Variants in WDFY1 observed in about 807,000 individuals in gnomAD.
The protein encoded by WDFY1 is WD repeat and FYVE domain containing 1.
Under a neutral mutation model 56.4 loss-of-function variants are expected in WDFY1, and 32 were observed. That is an observed-to-expected ratio of 0.57 (90% CI 0.43 to 0.76). WDFY1 has a LOEUF of 0.76. WDFY1 is among the 30% of genes least tolerant of loss of function. WDFY1 has a pLI of 0.00. For missense variants in WDFY1, 480 were observed against 545.7 expected (o/e 0.88, Z 1.20); for synonymous variants, 192 against 197.3 (o/e 0.97, Z 0.23).
intron 3 of WDFY1, among the ~76,000 whole-genome samples, chr2:223,906,954 C>T (rs573549972): frequency 1.1e-3 from 168 of 148,628 alleles, no homozygotes; most frequent in Middle Eastern, 7.0e-3. Context: ...ATTACTACTA[C>T]CATTATTATT....
intron 1 of WDFY1, among the ~76,000 whole-genome samples, chr2:223,926,117 A>G (rs1693974176): frequency 6.6e-6 from 1 of 152,198 alleles, no homozygotes; most frequent in African/African-American, 2.4e-5. Context: ...CAGATCTATC[A>G]GAGGCACTAT....
chr2:223,906,431 G>C (rs1434414274), intron 3 of WDFY1, among the ~76,000 whole-genome samples: 1 of 152,148 alleles, frequency 6.6e-6, no homozygotes, highest in Non-Finnish European at 1.5e-5. Flanking sequence ...GCAATTTAGT[G>C]GGGGAAAGTA....
intron 2 of WDFY1, 27 bp downstream of exon 2, chr2:223,917,916 C>T: frequency 6.2e-7 from 1 of 1,611,320 alleles, no homozygotes; most frequent in Non-Finnish European, 8.5e-7. Context: ...AGACATTTCT[C>T]TCAAATGGAA....
intron 1 of WDFY1, among the ~76,000 whole-genome samples, chr2:223,941,749 C>T (rs1689309037): frequency 6.6e-6 from 1 of 152,172 alleles, no homozygotes; most frequent in African/African-American, 2.4e-5. Flanking sequence ...CTTTTGACCC[C>T]TGTTGTGTCC....
intron 3 of WDFY1, among the ~76,000 whole-genome samples, chr2:223,907,826 G>C (rs560368466): frequency 6.6e-6 from 1 of 150,924 alleles, no homozygotes; most frequent in South Asian, 2.1e-4. Flanking sequence ...CTTTCTTCTC[G>C]GCCCTTACAT....
At chr2:223,917,661 A>G (rs372233161) in intron 2 of WDFY1, among the ~76,000 whole-genome samples, 1 of 151,904 alleles carries the variant, frequency 6.6e-6, no homozygotes, top group Non-Finnish European at 1.5e-5. Flanking sequence ...GCAACCTCCA[A>G]CTCCAGATTT....
intron 4 of WDFY1, among the ~76,000 whole-genome samples, chr2:223,903,493 A>C (rs1353509157): frequency 6.6e-6 from 1 of 150,582 alleles, no homozygotes; most frequent in Non-Finnish European, 1.5e-5. Context: ...ACTGCACTCC[A>C]GTGTGGGCAA....
At chr2:223,900,692 G>T (rs1316385629) in intron 5 of WDFY1, among the ~76,000 whole-genome samples, 2 of 152,098 alleles carry the variant, frequency 1.3e-5, no homozygotes, top group Non-Finnish European at 2.9e-5. Flanking sequence ...GCCCATTTAG[G>T]AACAAACCCC....
intron 5 of WDFY1, chr2:223,900,969 G>A (rs11693118): frequency 2.2e-5 from 11 of 498,088 alleles, no homozygotes; most frequent in Admixed American, 3.9e-5. Flanking sequence ...GGAAGTTCTC[G>A]GATTTTCAGT....
In WDFY1 at chr2:223,880,112, T is replaced by C. The variant is rs1296847249; in HGVS notation, c.1173+12A>G. 10 of 1,607,898 alleles carry C rather than the reference T, an allele frequency of 6.2e-6. No individual in the cohort carries two copies. The highest frequency in any genetic ancestry group is 1.1e-5 in the South Asian group (1 of 90,906). On this transcript the variant is annotated intron_variant, in intron 11 of 11. Coordinates refer to ENST00000233055, the MANE Select transcript of WDFY1 (RefSeq NM_020830.5). Reference sequence around the variant, plus strand: ...CTCAACTGAGATGCTGACAGACAATTAGCCAGCTTACCTTTACAATGCGGT... The same window carrying C: ...CTCAACTGAGATGCTGACAGACAATCAGCCAGCTTACCTTTACAATGCGGT...
rs141844255 is a variant in WDFY1 at position 223,878,715 on chromosome 2, G to C, written c.1189C>G (p.Pro397Ala). 122 of 1,613,694 alleles carry C rather than the reference G, an allele frequency of 7.6e-5. No homozygotes were observed. The African/African-American group carries it at 1.1e-3, about 15-fold the overall frequency. The change falls in exon 12 of 12, where the codon CCT becomes GCT. Residue 397 changes from proline (P) to alanine (A), a missense_variant. Transcript: ENST00000233055. ...DRIVKIWDMT[P>A]VVGCSLATGF... Reference sequence around the variant, plus strand: ...GTCGCCAGACTGCAGCCCACCACAGGTGTCATGTCCCAGATCTACAAGGAA... The same window carrying C: ...GTCGCCAGACTGCAGCCCACCACAGCTGTCATGTCCCAGATCTACAAGGAA...
At chr2:223,886,471 TC>T (rs1693175985) in intron 8 of WDFY1, among the ~76,000 whole-genome samples, 1 of 152,160 alleles carries the variant, frequency 6.6e-6, no homozygotes, top group Non-Finnish European at 1.5e-5. Context: ...ACACCTGTAA[TC>T]CCAGCACTTT....
intron 8 of WDFY1, among the ~76,000 whole-genome samples, chr2:223,891,382 C>CAAAAAAAAA (rs61587389): frequency 1.7e-5 from 1 of 60,112 alleles, no homozygotes; most frequent in Non-Finnish European, 2.9e-5. Flanking sequence ...GACTCCGTCT[C>CAAAAAAAAA]AAAAAAAAAA....
intron 2 of WDFY1, among the ~76,000 whole-genome samples, chr2:223,913,850 T>C (rs1693743068): frequency 6.6e-6 from 1 of 152,106 alleles, no homozygotes; most frequent in South Asian, 2.1e-4. Flanking sequence ...AAGGCTTCCT[T>C]AGTTTGTTTT....
intron 8 of WDFY1, among the ~76,000 whole-genome samples, chr2:223,893,606 T>A (rs1189851710): frequency 1.3e-5 from 2 of 151,950 alleles, no homozygotes; most frequent in African/African-American, 4.8e-5. Flanking sequence ...AACTGAGAAG[T>A]CATTTCATTC....
chr2:223,931,506 G>A (rs1456796036), intron 1 of WDFY1, among the ~76,000 whole-genome samples: 3 of 152,018 alleles, frequency 2.0e-5, no homozygotes, highest in African/African-American at 4.8e-5. Context: ...CTCTATCAAA[G>A]AGCCAATTAA....
chr2:223,901,921 ACAG>A, intron 4 of WDFY1, among the ~76,000 whole-genome samples: 1 of 152,332 alleles, frequency 6.6e-6, no homozygotes, highest in East Asian at 1.9e-4. Context: ...TTCCAAAATA[ACAG>A]CTGAGAATGA....
chr2:223,927,803 G>C (rs1024898653), intron 1 of WDFY1, among the ~76,000 whole-genome samples: 2 of 152,142 alleles, frequency 1.3e-5, no homozygotes, highest in Admixed American at 1.3e-4. Flanking sequence ...TCTAACGTTT[G>C]ATTTAAAGTT....
intron 6 of WDFY1, among the ~76,000 whole-genome samples, chr2:223,898,402 T>G (rs186828467): frequency 1.7e-4 from 26 of 152,306 alleles, no homozygotes; most frequent in African/African-American, 6.3e-4. Flanking sequence ...TATTTTATTT[T>G]TATTTCTATT....
Sources: allele counts gnomAD v4.1 joint callset (sites outside exome capture counted in the v4.1 genomes callset), GRCh38; gene constraint gnomAD v4.1.1; transcripts MANE v1.5; gene names NCBI Gene and HGNC (gene_info 2026-07-23, HGNC 2026-07-21).